The following BAZ1A variants were observed in gnomAD, a reference collection of about 807,000 sequenced individuals.
BAZ1A encodes the protein bromodomain adjacent to zinc finger domain protein 1A.
In BAZ1A, 50 loss-of-function variants were observed where a neutral mutation model predicts 185.2. The observed-to-expected ratio is 0.27, with a 90% confidence interval of 0.22 to 0.34. The LOEUF is 0.34. Among genes scored for constraint, BAZ1A ranks in the 10% least tolerant of loss-of-function variants. BAZ1A has a pLI of 1.00. For missense variants in BAZ1A, 1,356 were observed against 1,839.9 expected, an observed-to-expected ratio of 0.74 and a Z score of 4.81; for synonymous variants, 571 against 615.6, an observed-to-expected ratio of 0.93 and a Z score of 1.07.
chr14:34,832,215 C>CACACACACATAT, intron 3 of BAZ1A, among the ~76,000 whole-genome samples: 26 of 89,712 alleles, frequency 2.9e-4, no homozygotes, highest in African/African-American at 9.3e-4. Context: ...CACACACACA[C>CACACACACATAT]ATATATATAT....
chr14:34,833,842 A>G (rs1026000028), intron 3 of BAZ1A, among the ~76,000 whole-genome samples: 2 of 152,152 alleles, frequency 1.3e-5, no homozygotes, highest in African/African-American at 2.4e-5. Context: ...GCACACTTAA[A>G]ATGACAAAAA....
chr14:34,859,881 G>A (rs879899227), intron 3 of BAZ1A, among the ~76,000 whole-genome samples: 4 of 152,036 alleles, frequency 2.6e-5, no homozygotes, highest in Non-Finnish European at 2.9e-5. Context: ...GAGGAGTTGG[G>A]GAGTCTCTAG....
At chr14:34,797,944 T>C (rs944185057) in intron 9 of BAZ1A, among the ~76,000 whole-genome samples, 1 of 152,242 alleles carries the variant, frequency 6.6e-6, no homozygotes, top group Non-Finnish European at 1.5e-5. Context: ...AGACTGCACC[T>C]GGAAAATCGG....
intron 23 of BAZ1A, among the ~76,000 whole-genome samples, chr14:34,762,484 A>C (rs1006736846): frequency 2.8e-5 from 4 of 145,362 alleles, no homozygotes; most frequent in Non-Finnish European, 6.0e-5. Flanking sequence ...TCTTTTCTTT[A>C]TTTTTTTTTT....
chr14:34,874,412 AG>A lies in BAZ1A; in HGVS notation c.113+79del, dbSNP rs1455483189. On this transcript the variant is annotated intron_variant, in intron 2 of 26. Transcript: ENST00000360310. The surrounding 1 kb of genome is among the most constrained non-coding windows in gnomAD (Gnocchi z 4.7). ...GTCGCCCCGCCAGAAGCCCAGGGCG[AG>A]GAAAAGGAGAGAGACAAAAGAGCGC... The A allele has an allele frequency of 4.4e-6, 6 of 1,349,060 alleles. No individual in the cohort carries two copies. The African/African-American group carries it at 7.4e-5, about 17-fold the overall frequency. 83.6% of individuals were successfully genotyped at this position (1,349,060 alleles called of 1,614,324 possible). A position where few individuals can be genotyped will look rare whatever the true frequency, so the allele number is the denominator to read the frequency against.
Position 34,874,481 on chromosome 14 carries a change from C to T in BAZ1A, c.113+11G>A, listed in dbSNP as rs747886936. ...CACCCCCCGCGGCCCCGCACACGGC[C>T]CGGCTCTTACTCGTAGTGGCGGAAG... On this transcript the variant is annotated intron_variant, in intron 2 of 26. Transcript: ENST00000360310. The surrounding 1 kb of genome is among the most constrained non-coding windows in gnomAD (Gnocchi z 4.7). 6.8e-6 allele frequency: 11 copies of T among 1,610,932 alleles called. No homozygotes were observed. Among genetic ancestry groups the T allele is most frequent in the Non-Finnish European group, 9.3e-6 (11 of 1,177,984 alleles).
At chr14:34,818,617 GA>G (rs1209921532) in intron 4 of BAZ1A, among the ~76,000 whole-genome samples, 2 of 151,786 alleles carry the variant, frequency 1.3e-5, no homozygotes, top group South Asian at 2.1e-4. Flanking sequence ...AAACATTAAA[GA>G]AAAAAAATTC....
intron 12 of BAZ1A, among the ~76,000 whole-genome samples, chr14:34,787,363 A>AAAAAAAG (rs775338809): frequency 8.9e-6 from 1 of 112,798 alleles, no homozygotes; most frequent in Non-Finnish European, 1.8e-5. Context: ...AAAAAAAAAA[A>AAAAAAAG]AAAAAGAAAA....
chr14:34,817,074 T>C (rs1447933684), intron 4 of BAZ1A, among the ~76,000 whole-genome samples: 2 of 152,112 alleles, frequency 1.3e-5, no homozygotes, highest in Non-Finnish European at 2.9e-5. Flanking sequence ...AGAGAAAGAC[T>C]AGGAGATAAA....
chr14:34,839,771 C>T (rs1187259079), intron 3 of BAZ1A, among the ~76,000 whole-genome samples: 5 of 134,332 alleles, frequency 3.7e-5, no homozygotes, highest in Admixed American at 1.7e-4. Context: ...ACCTGGGAGG[C>T]GGAGCTTGCA....
chr14:34,824,541 C>G (rs1263444952), intron 4 of BAZ1A, among the ~76,000 whole-genome samples: 1 of 151,884 alleles, frequency 6.6e-6, no homozygotes, highest in East Asian at 1.9e-4. Flanking sequence ...AGCCAATTAA[C>G]CTTCCTAAGT....
At chr14:34,867,362 T>C (rs1258491875) in intron 2 of BAZ1A, among the ~76,000 whole-genome samples, 2 of 152,170 alleles carry the variant, frequency 1.3e-5, no homozygotes, top group Non-Finnish European at 2.9e-5. Context: ...TCTGGCCAAG[T>C]AATGGCTCCT....
intron 3 of BAZ1A, among the ~76,000 whole-genome samples, chr14:34,844,381 C>G (rs2042469246): frequency 6.6e-6 from 1 of 152,066 alleles, no homozygotes; most frequent in Non-Finnish European, 1.5e-5. Context: ...ATTGAAGACA[C>G]AAATGGAAAC....
At position 34,820,451 on chromosome 14, in the gene BAZ1A, G is replaced by A. The variant is rs115509521; in HGVS notation, c.536+5562C>T. Reference sequence around the variant, plus strand: ...CCAGCCCTCATTGTCTTAATATTGAGATTTAAGAGTTATTTGTATATTTTG... The same window carrying A: ...CCAGCCCTCATTGTCTTAATATTGAAATTTAAGAGTTATTTGTATATTTTG... On this transcript the variant is annotated intron_variant, in intron 4 of 26. Coordinates refer to ENST00000360310, the MANE Select transcript of BAZ1A (RefSeq NM_013448.3). Among the ~76,000 whole-genome samples, 352 of 152,222 alleles carry A rather than the reference G, an allele frequency of 2.3e-3. 1 individual carries two copies. Among genetic ancestry groups the A allele is most frequent in the African/African-American group, 7.8e-3 (326 of 41,546 alleles).
intron 12 of BAZ1A, among the ~76,000 whole-genome samples, chr14:34,791,220 C>G (rs2138630707): frequency 6.6e-6 from 1 of 152,220 alleles, no homozygotes; most frequent in Admixed American, 6.5e-5. Context: ...TTCCTTTATA[C>G]TGATTTTCCC....
intron 16 of BAZ1A, among the ~76,000 whole-genome samples, 189 bp from the exon 17 acceptor site, chr14:34,780,499 AAAAC>A (rs1006260935): frequency 7.2e-5 from 11 of 152,314 alleles, no homozygotes; most frequent in African/African-American, 2.2e-4. Flanking sequence ...AATAAGTACT[AAAAC>A]AAGAGAAGTT....
intron 3 of BAZ1A, among the ~76,000 whole-genome samples, chr14:34,845,111 A>G (rs1346974046): frequency 2.6e-5 from 4 of 152,062 alleles, no homozygotes; most frequent in Non-Finnish European, 5.9e-5. Context: ...AAAATGTGCC[A>G]ACTCCTGCTC....
At position 34,754,850 on chromosome 14, in the gene BAZ1A, T is replaced by C. The variant is rs1000889790; in HGVS notation, c.4451A>G (p.Asn1484Ser). The change falls in exon 26 of 27, where the codon AAT becomes AGT. Residue 1484 changes from asparagine to serine, a missense_variant. Physicochemically the swap from Asn to Ser is conservative, Grantham distance 46. Around this residue, in one of 7 missense-constraint regions of BAZ1A, gnomAD observed 61 missense variants for 117.9 expected, o/e 0.52. Transcript: ENST00000360310. ...IALNIIREKV[N>S]KCEYKLASEF... The stretch of plus-strand genomic sequence containing the variant: ...ACATGCTAATTTATATTCACACTTA[T>C]TCACTTTTTCACGAATTATATTTAA... 1 of 1,600,536 alleles carries C rather than the reference T, an allele frequency of 6.2e-7. No homozygotes were observed. The highest frequency in any genetic ancestry group is 8.5e-7 in the Non-Finnish European group (1 of 1,172,008).
chr14:34,853,655 C>T (rs2042631200), intron 3 of BAZ1A, among the ~76,000 whole-genome samples: 1 of 152,100 alleles, frequency 6.6e-6, no homozygotes, highest in South Asian at 2.1e-4. Flanking sequence ...GGCGTGGTGG[C>T]ACACGCCTGT....
Sources: gnomAD v4.1 joint callset for allele counts (sites outside exome capture counted in the v4.1 genomes callset) on GRCh38, gnomAD v4.1.1 for gene constraint, gnomAD v4.1.1 regional missense constraint, Gnocchi (gnomAD v3.1) non-coding constraint, MANE v1.5 for transcripts, NCBI Gene and HGNC (gene_info 2026-07-23, HGNC 2026-07-21) for gene names.